COG2: variants seen among roughly 807,000 people sequenced by gnomAD.
COG2 encodes the protein conserved oligomeric Golgi complex subunit 2.
COG2 carries 52 observed loss-of-function variants against 90.6 expected under a neutral mutation model. That is an observed-to-expected ratio of 0.57 (90% confidence interval 0.46 to 0.72). The LOEUF is 0.72. Among genes scored for constraint, COG2 ranks in the 30% least tolerant of loss-of-function variants. COG2 has a pLI of 0.00. For synonymous variants in COG2, 337 were observed against 320.4 expected (o/e 1.05, Z -0.55); for missense variants, 829 against 891.2 (o/e 0.93, Z 0.89).
chr1:230,685,779 G>A (rs1662870069), intron 12 of COG2, among the ~76,000 whole-genome samples: 1 of 152,128 alleles, frequency 6.6e-6, no homozygotes, highest in African/African-American at 2.4e-5. Flanking sequence ...ATCCACAAGG[G>A]CGTTGGTCCA....
intron 8 of COG2, among the ~76,000 whole-genome samples, chr1:230,674,364 T>G (rs1185752861): frequency 6.6e-6 from 1 of 152,216 alleles, no homozygotes; most frequent in Non-Finnish European, 1.5e-5. Context: ...TTTCTGTCAG[T>G]GCTGCCTGTC....
intron 15 of COG2, 29 bp from the exon 16 acceptor site, chr1:230,689,985 A>G (rs922202450): frequency 1.4e-5 from 22 of 1,537,546 alleles, no homozygotes; most frequent in Non-Finnish European, 1.8e-5. Context: ...TTTCCTGTGC[A>G]TCTTTATCTC....
At chr1:230,689,829 A>C in intron 15 of COG2, 185 bp from the exon 16 acceptor site, 3 of 530,904 alleles carry the variant, frequency 5.7e-6, no homozygotes, top group Non-Finnish European at 9.9e-6. Context: ...GGCTCTTCTT[A>C]TTCCCTCATG....
At position 230,669,592 on chromosome 1, in the gene COG2, T is replaced by C. The variant is rs1662399982; in HGVS notation, c.774+57T>C. 8 of 1,466,486 alleles carry C rather than the reference T, an allele frequency of 5.5e-6. No individual in the cohort carries two copies. The South Asian group carries it at 6.2e-5, about 11-fold the overall frequency. The allele number at this position is 1,466,486 out of a possible 1,614,324, so 90.8% of individuals were successfully genotyped here. On this transcript the variant is annotated intron_variant, in intron 7 of 17. Coordinates refer to ENST00000366669, the MANE Select transcript of COG2 (RefSeq NM_007357.3). The stretch of plus-strand genomic sequence containing the variant: ...AGCTTCTGTTCTGTCTTTGACTCTT[T>C]ACTGGGTGTGAGGAAGATAAGAAGA...
chr1:230,657,782 C>T (rs1662098454), intron 1 of COG2, among the ~76,000 whole-genome samples: 1 of 151,966 alleles, frequency 6.6e-6, no homozygotes, highest in Admixed American at 6.6e-5. Context: ...TCTTTTTTCT[C>T]TAATCTTGTC....
chr1:230,657,672 G>A, intron 1 of COG2, among the ~76,000 whole-genome samples: 1 of 152,132 alleles, frequency 6.6e-6, no homozygotes. Flanking sequence ...TTCGAACTTG[G>A]TTCCATTTTC....
At chr1:230,651,166 C>T (rs1661905451) in intron 1 of COG2, among the ~76,000 whole-genome samples, 1 of 151,992 alleles carries the variant, frequency 6.6e-6, no homozygotes, top group Non-Finnish European at 1.5e-5. Flanking sequence ...TTGGTAGTAC[C>T]TCCCATCATT....
In COG2 at chr1:230,679,010, G is replaced by C. The variant is rs781779396; in HGVS notation, c.1124G>C (p.Ser375Thr). ...KRLRAHPAYH[S>T]FNKKWNLPVY... ...TTAAGAGCCCATCCTGCCTATCACAGCTTCAATAAGAAGTGGAACTTGCCT... is the reference window on the plus strand; with the variant it reads ...TTAAGAGCCCATCCTGCCTATCACACCTTCAATAAGAAGTGGAACTTGCCT... Residue 375 changes from serine (S) to threonine (T), a missense_variant, in exon 10 of 18, where the codon AGC (serine) becomes ACC (threonine). Transcript: ENST00000366669. The C allele has an allele frequency of 1.2e-6, 2 of 1,613,456 alleles. No individual in the cohort carries two copies. The highest frequency in any genetic ancestry group is 1.7e-6 in the Non-Finnish European group (2 of 1,179,564).
chr1:230,655,266 C>T lies in COG2; in HGVS notation c.73-4198C>T, dbSNP rs1450750779. Among the ~76,000 whole-genome samples, 8 of 152,222 alleles carry T rather than the reference C, an allele frequency of 5.3e-5. No individual in the cohort carries two copies. The East Asian group carries it at 7.7e-4, about 15-fold the overall frequency. ...AAATAGCTCTCATTATTTTGAGATA[C>T]GTTCCATCAGTACCTAGTTTATTGA... On this transcript the variant is annotated intron_variant, in intron 1 of 17. Coordinates refer to ENST00000366669, the MANE Select transcript of COG2 (RefSeq NM_007357.3).
intron 1 of COG2, among the ~76,000 whole-genome samples, chr1:230,656,195 T>C (rs1662044767): frequency 6.6e-6 from 1 of 152,196 alleles, no homozygotes; most frequent in South Asian, 2.1e-4. Flanking sequence ...TTAATTTTGA[T>C]GTTAGGGTGT....
rs559223479 is a variant in COG2, at chr1:230,659,846, A to C, written c.234+221A>C. 1.8e-4 allele frequency among the ~76,000 whole-genome samples: 28 copies of C among 152,274 alleles called. No homozygotes were observed. In the South Asian group the frequency reaches 2.5e-3, roughly 14 times the overall value. Reference sequence around the variant, plus strand: ...CTAAATTAAATATTTTTTTAATTTGATATTATTAGTGAAAAACAAAGGCTA... The same window carrying C: ...CTAAATTAAATATTTTTTTAATTTGCTATTATTAGTGAAAAACAAAGGCTA... On this transcript the variant is annotated intron_variant, in intron 2 of 17. Coordinates refer to ENST00000366669, the MANE Select transcript of COG2 (RefSeq NM_007357.3).
rs116705129 is a variant in COG2, at chr1:230,648,827, C to T, written c.72+6149C>T. On this transcript the variant is annotated intron_variant, in intron 1 of 17. Coordinates refer to ENST00000366669, the MANE Select transcript of COG2 (RefSeq NM_007357.3). ...ATGGGGCTTGGGCTTTCTCAGGTGT[C>T]CCTAATACACCCACAGCAGTAAGCA... 2.2e-3 allele frequency among the ~76,000 whole-genome samples: 341 copies of T among 152,216 alleles called. 1 individual carries two copies. Among genetic ancestry groups the T allele is most frequent in the South Asian group, 3.7e-3 (18 of 4,818 alleles).
chr1:230,654,794 C>T (rs1662010227), intron 1 of COG2, among the ~76,000 whole-genome samples: 1 of 152,144 alleles, frequency 6.6e-6, no homozygotes, highest in Non-Finnish European at 1.5e-5. Context: ...TGTAGTTCTC[C>T]TTGAAGAGGT....
chr1:230,643,373 G>C (rs1270705406), intron 1 of COG2, among the ~76,000 whole-genome samples: 1 of 152,214 alleles, frequency 6.6e-6, no homozygotes, highest in Non-Finnish European at 1.5e-5. Context: ...AGTGAGAGCT[G>C]GGAGGAGCTT....
At chr1:230,679,638 T>C (rs1319732174) in intron 10 of COG2, 1 of 152,258 alleles carries the variant, frequency 6.6e-6, no homozygotes, top group East Asian at 1.9e-4. Flanking sequence ...CATGATGATA[T>C]CACCTTTGTC....
intron 1 of COG2, among the ~76,000 whole-genome samples, chr1:230,656,413 C>G (rs1339416488): frequency 6.6e-6 from 1 of 151,398 alleles, no homozygotes; most frequent in African/African-American, 2.4e-5. Context: ...ATCCTGAGTT[C>G]TAATTTGATT....
chr1:230,672,073 C>G (rs1662461069), intron 8 of COG2, among the ~76,000 whole-genome samples: 1 of 152,148 alleles, frequency 6.6e-6, no homozygotes. Context: ...TCCTGATTCT[C>G]TTTCATAAAT....
chr1:230,689,987 C>CT, intron 15 of COG2, 27 bp from the exon 16 acceptor site: 1 of 1,546,214 alleles, frequency 6.5e-7, no homozygotes, highest in Non-Finnish European at 8.7e-7. Flanking sequence ...TCCTGTGCAT[C>CT]TTTATCTCCT....
intron 1 of COG2, among the ~76,000 whole-genome samples, chr1:230,645,493 C>G (rs1356897560): frequency 6.6e-6 from 1 of 152,118 alleles, no homozygotes; most frequent in Non-Finnish European, 1.5e-5. Flanking sequence ...CTCGTTCTTG[C>G]ATTTGTACCT....
Sources: allele counts gnomAD v4.1 joint callset (sites outside exome capture counted in the v4.1 genomes callset), GRCh38; gene constraint gnomAD v4.1.1; transcripts MANE v1.5; gene names NCBI Gene and HGNC (gene_info 2026-07-23, HGNC 2026-07-21).